The following DIP2C variants were observed in gnomAD, a reference collection of about 807,000 sequenced individuals.
The protein encoded by DIP2C is disco-interacting protein 2 homolog C.
Under a neutral mutation model 192.4 loss-of-function variants are expected in DIP2C, and 33 were observed. The observed-to-expected ratio is 0.17, with a 90% CI of 0.13 to 0.23. DIP2C has a LOEUF of 0.23. Among genes scored for constraint, DIP2C ranks in the 10% least tolerant of loss-of-function variants. The pLI, the probability that DIP2C is intolerant of heterozygous loss-of-function variation, is 1.00. For missense variants in DIP2C, 1,537 were observed against 2,110.1 expected (o/e 0.73, Z 5.32); for synonymous variants, 979 against 864.1 (o/e 1.13, Z -2.33).
chr10:366,438 AGT>A (rs748363007), intron 18 of DIP2C, 27 bp from the exon 19 acceptor site: 13 of 1,613,838 alleles, frequency 8.1e-6, no homozygotes, highest in Non-Finnish European at 1.1e-5. Context: ...AAGCACATGC[AGT>A]GTGAGAGGGG....
At position 413,908 on chromosome 10, in the gene DIP2C, A is replaced by T. The variant is rs752581439; in HGVS notation, c.1057+5T>A. On this transcript the variant is annotated splice_donor_5th_base_variant and intron_variant, in intron 8 of 36. Transcript: ENST00000280886. ...CAAAGGGCAGAGAGTGAGCCTGGGG[A>T]TTACCGTAAGTGAGGATGTAGAGGG... The T allele has an allele frequency of 6.2e-7, 1 of 1,613,036 alleles. No homozygotes were observed.
In DIP2C at chr10:390,187, C is replaced by T. The variant is rs1188726448; in HGVS notation, c.1494+77G>A. 5 of 1,589,840 alleles carry T rather than the reference C, an allele frequency of 3.1e-6. No individual in the cohort carries two copies. The East Asian group carries it at 9.0e-5, about 28-fold the overall frequency. On this transcript the variant is annotated intron_variant, in intron 12 of 36. Transcript: ENST00000280886. Reference sequence around the variant, plus strand: ...TTCTCCAAGTCCCTGAATTTTGGCACTCGTGTAACCGTCAGAAACACACGT... The same window carrying T: ...TTCTCCAAGTCCCTGAATTTTGGCATTCGTGTAACCGTCAGAAACACACGT...
At chr10:496,815 G>GCC (rs1361288678) in intron 1 of DIP2C, among the ~76,000 whole-genome samples, 2 of 152,168 alleles carry the variant, frequency 1.3e-5, no homozygotes, top group Non-Finnish European at 2.9e-5. Context: ...AACCCACGGT[G>GCC]CCCTCTGCTG....
chr10:632,154 C>A (rs944868544), intron 1 of DIP2C, among the ~76,000 whole-genome samples: 2 of 152,186 alleles, frequency 1.3e-5, no homozygotes, highest in African/African-American at 4.8e-5. Context: ...AAGAGGCAAA[C>A]GTGGACCACA....
At position 671,072 on chromosome 10, in the gene DIP2C, A is replaced by T. The variant is rs532513209; in HGVS notation, c.85+18422T>A. ...TTCAGGAAGAGCTGGGTGGGCACCA[A>T]GCCCCTCAGACCGAGGGCTCCGCTA... is the stretch of plus-strand genomic sequence containing the variant. On this transcript the variant is annotated intron_variant, in intron 1 of 36. Transcript: ENST00000280886. Among the ~76,000 whole-genome samples the T allele has an allele frequency of 1.8e-3, 275 of 152,358 alleles. 3 individuals carry two copies. The highest frequency in any genetic ancestry group is 2.7e-3 in the Non-Finnish European group (181 of 68,028).
At chr10:552,347 G>A (rs916797002) in intron 1 of DIP2C, among the ~76,000 whole-genome samples, 5 of 152,204 alleles carry the variant, frequency 3.3e-5, no homozygotes, top group African/African-American at 1.2e-4. Flanking sequence ...TTCAGGAACG[G>A]TGCTTGCTGG....
chr10:305,582 G>T (rs1189626805), intron 32 of DIP2C, among the ~76,000 whole-genome samples: 1 of 152,198 alleles, frequency 6.6e-6, no homozygotes, highest in African/African-American at 2.4e-5. Context: ...AGGAAGCTAA[G>T]AAAGTTTTCA....
At chr10:370,817 T>C (rs1307894391) in intron 17 of DIP2C, among the ~76,000 whole-genome samples, 2 of 152,192 alleles carry the variant, frequency 1.3e-5, no homozygotes, top group East Asian at 3.8e-4. Flanking sequence ...TATTATGGTT[T>C]ATAATGAAAC....
intron 1 of DIP2C, among the ~76,000 whole-genome samples, chr10:579,846 G>A (rs754606426): frequency 6.6e-5 from 10 of 151,810 alleles, no homozygotes; most frequent in Admixed American, 1.3e-4. Flanking sequence ...ACACACATCT[G>A]TACAGTGTAC....
intron 32 of DIP2C, among the ~76,000 whole-genome samples, chr10:303,829 T>A (rs1956178749): frequency 6.6e-6 from 1 of 152,154 alleles, no homozygotes; most frequent in Admixed American, 6.5e-5. Flanking sequence ...GGCCGAAAGT[T>A]TTTTACTTTT....
intron 19 of DIP2C, chr10:364,911 C>A: frequency 1.8e-6 from 1 of 560,762 alleles, no homozygotes; most frequent in Non-Finnish European, 3.5e-6. Flanking sequence ...TTTACAAAAC[C>A]ACAATGTAAA....
intron 1 of DIP2C, among the ~76,000 whole-genome samples, chr10:538,826 AAT>A (rs779742596): frequency 8.5e-5 from 13 of 152,382 alleles, no homozygotes; most frequent in East Asian, 1.9e-4. Flanking sequence ...AGCACTGGGT[AAT>A]ATGACTTTGA....
At chr10:605,138 G>GC (rs1852374098) in intron 1 of DIP2C, among the ~76,000 whole-genome samples, 1 of 152,220 alleles carries the variant, frequency 6.6e-6, no homozygotes, top group South Asian at 2.1e-4. Context: ...CGTGAGCGCA[G>GC]CCCTGGCTTC....
intron 1 of DIP2C, among the ~76,000 whole-genome samples, chr10:603,315 AAAAAAAAAAAAAAAAAAAC>A (rs1165118223): frequency 2.2e-5 from 3 of 135,302 alleles, no homozygotes; most frequent in African/African-American, 8.4e-5. Context: ...AAAAAAAAAA[AAAAAAAAAAAAAAAAAAAC>A]CAACCATGAG....
intron 1 of DIP2C, among the ~76,000 whole-genome samples, chr10:577,913 G>A (rs991954663): frequency 5.3e-5 from 8 of 151,926 alleles, no homozygotes; most frequent in African/African-American, 1.7e-4. Flanking sequence ...GTAGAACCTG[G>A]AATTTACCTT....
intron 34 of DIP2C, 40 bp from the exon 35 acceptor site, chr10:283,486 T>G: frequency 6.2e-7 from 1 of 1,607,644 alleles, no homozygotes; most frequent in African/African-American, 1.3e-5. Context: ...TGACATTATT[T>G]TATCTCCAGG....
At chr10:486,438 C>G (rs759689437) in intron 2 of DIP2C, 21 bp downstream of exon 2, 1 of 1,578,768 alleles carries the variant, frequency 6.3e-7, no homozygotes, top group Non-Finnish European at 8.6e-7. Context: ...AGGACTCATG[C>G]TACTCATGGG....
intron 17 of DIP2C, among the ~76,000 whole-genome samples, chr10:378,621 ACACACGAACAC>A (rs1319970064): frequency 6.8e-6 from 1 of 147,136 alleles, no homozygotes; most frequent in Admixed American, 6.9e-5. Flanking sequence ...ATGCATAAAG[ACACACGAACAC>A]AGACATGCAT....
intron 10 of DIP2C, among the ~76,000 whole-genome samples, chr10:394,916 C>A (rs1199850736): frequency 6.6e-6 from 1 of 151,872 alleles, no homozygotes; most frequent in Non-Finnish European, 1.5e-5. Context: ...GTATGCTGAA[C>A]AGGAAGGACA....
Sources: allele counts gnomAD v4.1 joint callset (sites outside exome capture counted in the v4.1 genomes callset), GRCh38; gene constraint gnomAD v4.1.1; transcripts MANE v1.5; gene names NCBI Gene and HGNC (gene_info 2026-07-23, HGNC 2026-07-21).